Variants in PIBF1 observed in about 807,000 individuals in gnomAD.
PIBF1 encodes the protein progesterone immunomodulatory binding factor 1.
In PIBF1, 90 loss-of-function variants were observed where a neutral mutation model predicts 112.5. The ratio of observed to expected loss-of-function variants is 0.80; its 90% CI spans 0.67 to 0.95. The LOEUF is 0.95. Among genes scored for constraint, PIBF1 ranks in the 40% least tolerant of loss-of-function variants. PIBF1 has a pLI of 0.00. For synonymous variants in PIBF1, 301 were observed against 288.6 expected (o/e 1.04, Z -0.44); for missense variants, 915 against 852.3 (o/e 1.07, Z -0.92).
At chr13:72,958,130 A>AG (rs2042500066) in intron 14 of PIBF1, among the ~76,000 whole-genome samples, 1 of 151,902 alleles carries the variant, frequency 6.6e-6, no homozygotes, top group African/African-American at 2.4e-5. Context: ...TTAAAAAAAA[A>AG]AAGAATCACG....
chr13:72,908,131 A>C (rs979450724), intron 11 of PIBF1, among the ~76,000 whole-genome samples: 1 of 152,160 alleles, frequency 6.6e-6, no homozygotes, highest in African/African-American at 2.4e-5. Flanking sequence ...TGAAGGATTT[A>C]TTGTCAGTAT....
At chr13:73,000,486 C>T (rs762669699) in intron 17 of PIBF1, among the ~76,000 whole-genome samples, 1 of 152,124 alleles carries the variant, frequency 6.6e-6, no homozygotes, top group Non-Finnish European at 1.5e-5. Flanking sequence ...ATACAGCTGC[C>T]GAGGACTGTT....
At chr13:72,901,275 T>C (rs1455666895) in intron 11 of PIBF1, among the ~76,000 whole-genome samples, 1 of 152,058 alleles carries the variant, frequency 6.6e-6, no homozygotes, top group African/African-American at 2.4e-5. Flanking sequence ...CAAAAGAAGA[T>C]ATACAAATGG....
intron 10 of PIBF1, among the ~76,000 whole-genome samples, chr13:72,886,145 A>C (rs962939955): frequency 2.6e-5 from 4 of 152,140 alleles, no homozygotes; most frequent in Non-Finnish European, 5.9e-5. Flanking sequence ...CCATCGTGCT[A>C]CTATTAATAC....
intron 10 of PIBF1, among the ~76,000 whole-genome samples, chr13:72,890,175 C>T (rs1446731804): frequency 6.6e-6 from 1 of 152,076 alleles, no homozygotes; most frequent in Non-Finnish European, 1.5e-5. Context: ...GATGTTTTAT[C>T]CAGTACTTTT....
At chr13:72,902,821 A>G (rs1430247051) in intron 11 of PIBF1, among the ~76,000 whole-genome samples, 1 of 152,174 alleles carries the variant, frequency 6.6e-6, no homozygotes, top group Non-Finnish European at 1.5e-5. Context: ...CAGTTAGGAA[A>G]TTAGTATGGT....
chr13:72,906,828 A>G (rs912142785), intron 11 of PIBF1, among the ~76,000 whole-genome samples: 19 of 152,098 alleles, frequency 1.2e-4, no homozygotes, highest in Non-Finnish European at 5.9e-5. Context: ...GGTGGGGTAC[A>G]AATGAAAAAG....
intron 11 of PIBF1, among the ~76,000 whole-genome samples, chr13:72,895,104 C>T (rs975352333): frequency 4.0e-5 from 6 of 151,670 alleles, no homozygotes; most frequent in Non-Finnish European, 7.4e-5. Flanking sequence ...GGCCTGGCAA[C>T]AGAGCAAGAC....
rs1167516512 is a variant in PIBF1 at position 72,908,526 on chromosome 13, A to G, written c.1489-5A>G. 2 of 1,586,444 alleles carry G rather than the reference A, an allele frequency of 1.3e-6. No individual in the cohort carries two copies. Among genetic ancestry groups the G allele is most frequent in the Non-Finnish European group, 1.7e-6 (2 of 1,167,262 alleles). ...GCCTTTGTAATTCTTCTCTTTCACT[A>G]TTAGGTTTTAACCAAAGAATTTTAT... On this transcript the variant is annotated splice_polypyrimidine_tract_variant and splice_region_variant and intron_variant, in intron 11 of 17. Transcript: ENST00000326291.
At position 72,852,287 on chromosome 13, in the gene PIBF1, ACAC is replaced by A. The variant is rs1428356279; in HGVS notation, c.1224-1766_1224-1764del. Among the ~76,000 whole-genome samples, 3 of 152,256 alleles carry A rather than the reference ACAC, an allele frequency of 2.0e-5. No individual in the cohort carries two copies. The East Asian group carries it at 5.8e-4, about 29-fold the overall frequency. On this transcript the variant is annotated intron_variant, in intron 9 of 17. Transcript: ENST00000326291. ...GTTCCTGGCATCTCCAAGCTTCCGG[ACAC>A]CACTGCATTCCCCGGTGCCAGCAGT...
intron 13 of PIBF1, among the ~76,000 whole-genome samples, chr13:72,920,279 C>G (rs921891136): frequency 8.5e-5 from 13 of 152,176 alleles, no homozygotes; most frequent in Admixed American, 3.3e-4. Context: ...CAGCTGGTGC[C>G]AGGCATTCTT....
chr13:72,869,821 A>T (rs920797461), intron 10 of PIBF1, among the ~76,000 whole-genome samples: 2 of 151,340 alleles, frequency 1.3e-5, no homozygotes, highest in African/African-American at 4.9e-5. Context: ...ACACACACAC[A>T]TATATATATA....
chr13:72,895,535 A>G (rs1275925168), intron 11 of PIBF1, among the ~76,000 whole-genome samples: 4 of 152,044 alleles, frequency 2.6e-5, no homozygotes, highest in Admixed American at 6.5e-5. Flanking sequence ...AAATGAAAAT[A>G]TGAATTCTCA....
intron 1 of PIBF1, among the ~76,000 whole-genome samples, chr13:72,782,585 C>T (rs1252895692): frequency 6.6e-6 from 1 of 152,130 alleles, no homozygotes; most frequent in Non-Finnish European, 1.5e-5. Context: ...CACACCTTTC[C>T]TTATCATTCA....
chr13:72,980,255 T>C (rs529823014), intron 16 of PIBF1, among the ~76,000 whole-genome samples: 1 of 152,002 alleles, frequency 6.6e-6, no homozygotes, highest in Non-Finnish European at 1.5e-5. Context: ...CTATATAGAG[T>C]AAGAACAGAA....
At chr13:72,932,233 G>C (rs1185460742) in intron 14 of PIBF1, among the ~76,000 whole-genome samples, 2 of 152,000 alleles carry the variant, frequency 1.3e-5, no homozygotes, top group African/African-American at 4.8e-5. Flanking sequence ...ATGTGCCACT[G>C]CACCCAGCCA....
intron 13 of PIBF1, among the ~76,000 whole-genome samples, chr13:72,928,036 T>TATATACATATATATAC (rs1555316980): frequency 7.3e-6 from 1 of 137,820 alleles, no homozygotes; most frequent in Non-Finnish European, 1.5e-5. Flanking sequence ...CATATATATA[T>TATATACATATATATAC]ATATATATAC....
intron 15 of PIBF1, among the ~76,000 whole-genome samples, chr13:72,967,454 C>G (rs1280828712): frequency 6.6e-6 from 1 of 151,998 alleles, no homozygotes; most frequent in African/African-American, 2.4e-5. Context: ...CAAATTCAGC[C>G]ATAGAGAAAT....
At chr13:72,805,659 G>T (rs2035696678) in intron 5 of PIBF1, among the ~76,000 whole-genome samples, 1 of 152,128 alleles carries the variant, frequency 6.6e-6, no homozygotes, top group Non-Finnish European at 1.5e-5. Flanking sequence ...TGACTAGATG[G>T]TATTCACCCA....
Sources: allele counts gnomAD v4.1 joint callset (sites outside exome capture counted in the v4.1 genomes callset), GRCh38; gene constraint gnomAD v4.1.1; transcripts MANE v1.5; gene names NCBI Gene and HGNC (gene_info 2026-07-23, HGNC 2026-07-21).